IL16: variants seen among roughly 807,000 people sequenced by gnomAD.
IL16 encodes interleukin 16, also known as pro-interleukin-16.
Under a neutral mutation model 110.1 loss-of-function variants are expected in IL16, and 67 were observed. That is an observed-to-expected ratio of 0.61 (90% CI 0.50 to 0.75). IL16 has a LOEUF of 0.75. Ranked by LOEUF, IL16 falls within the 30% of genes least tolerant of loss-of-function variation. IL16 has a pLI of 0.00. For missense variants in IL16, 1,545 were observed against 1,655.0 expected, an observed-to-expected ratio of 0.93 and a Z score of 1.15; for synonymous variants, 689 against 662.9, an observed-to-expected ratio of 1.04 and a Z score of -0.61.
intron 7 of IL16, among the ~76,000 whole-genome samples, chr15:81,279,232 A>C (rs935181359): frequency 6.6e-6 from 1 of 152,172 alleles, no homozygotes; most frequent in African/African-American, 2.4e-5. Context: ...TCATGACTCT[A>C]TCCATCCATC....
At chr15:81,182,955 G>A (rs1358785500) in intron 1 of IL16, 2 of 1,087,314 alleles carry the variant, frequency 1.8e-6, no homozygotes, top group Middle Eastern at 2.4e-4. Flanking sequence ...ATGGAGGGGT[G>A]GACCCTTCCT....
intron 1 of IL16, among the ~76,000 whole-genome samples, chr15:81,214,389 T>C (rs1162787097): frequency 6.6e-6 from 1 of 152,210 alleles, no homozygotes; most frequent in East Asian, 1.9e-4. Context: ...AAGTTTAGTT[T>C]GGCAGGATAT....
intron 1 of IL16, among the ~76,000 whole-genome samples, chr15:81,207,921 G>C (rs907348363): frequency 1.8e-4 from 27 of 151,470 alleles, no homozygotes; most frequent in Non-Finnish European, 3.7e-4. Flanking sequence ...TCGAATGATA[G>C]CTCTACCTTA....
At chr15:81,197,685 T>C (rs747441622) in intron 1 of IL16, among the ~76,000 whole-genome samples, 44 of 152,186 alleles carry the variant, frequency 2.9e-4, no homozygotes, top group Non-Finnish European at 4.7e-4. Context: ...CCTGCATTGG[T>C]AGGTCCCAGG....
At chr15:81,244,399 AT>A (rs1897462676) in intron 2 of IL16, among the ~76,000 whole-genome samples, 1 of 151,946 alleles carries the variant, frequency 6.6e-6, no homozygotes, top group South Asian at 2.1e-4. Context: ...AATTCTATTC[AT>A]TTTCCTTCAT....
intron 1 of IL16, among the ~76,000 whole-genome samples, chr15:81,190,399 G>A (rs1015482060): frequency 3.3e-5 from 5 of 152,164 alleles, no homozygotes; most frequent in Non-Finnish European, 7.3e-5. Flanking sequence ...TGCTCAGCAC[G>A]GCAATGTTTA....
intron 1 of IL16, among the ~76,000 whole-genome samples, chr15:81,222,745 G>GACAC (rs71718505): frequency 0.068 from 10,074 of 148,278 alleles, 941 homozygotes; most frequent in African/African-American, 0.21. Flanking sequence ...CACACTCACA[G>GACAC]ACACACACAC....
Position 81,308,632 on chromosome 15 carries a change from TC to T in IL16, c.3835del (p.Gln1279SerfsTer68). On this transcript the variant is annotated frameshift_variant, in exon 19 of 19. Transcript: ENST00000683961. LOFTEE classifies it low-confidence loss of function (END_TRUNC). ...KGAASEQSET[V>X]QPGDEILQLG... is the part of the protein sequence containing the mutation. ...GCAGCCTCAGAACAAAGTGAGACAG[TC>T]CAGCCTGGAGATGAAATCTTACAGC... 1 of 1,612,930 alleles carries T rather than the reference TC, an allele frequency of 6.2e-7. No individual in the cohort carries two copies.
intron 1 of IL16, among the ~76,000 whole-genome samples, chr15:81,220,382 T>C (rs1248014702): frequency 1.3e-5 from 2 of 152,200 alleles, no homozygotes; most frequent in Non-Finnish European, 2.9e-5. Context: ...CTTGAACTCC[T>C]GAGCTCAAGC....
intron 17 of IL16, 59 bp from the exon 18 acceptor site, chr15:81,306,361 G>A: frequency 2.5e-6 from 4 of 1,601,592 alleles, no homozygotes; most frequent in Non-Finnish European, 3.4e-6. Flanking sequence ...TTGAAGCCCA[G>A]GGCATCTGTG....
intron 2 of IL16, among the ~76,000 whole-genome samples, chr15:81,226,457 A>C (rs1896790943): frequency 6.6e-6 from 1 of 152,222 alleles, no homozygotes; most frequent in Non-Finnish European, 1.5e-5. Flanking sequence ...ATGGCCCTAA[A>C]CCATGGGATC....
Position 81,259,848 on chromosome 15 carries a change from C to T in IL16, c.389C>T (p.Ala130Val). 3 of 1,613,536 alleles carry T rather than the reference C, an allele frequency of 1.9e-6. No homozygotes were observed. Among genetic ancestry groups the T allele is most frequent in the Non-Finnish European group, 1.7e-6 (2 of 1,179,496 alleles). Residue 130 changes from alanine to valine, a missense_variant, in exon 3 of 19, where the codon GCC (alanine) becomes GTC (valine). This residue lies in a region of IL16 where 1,185 missense variants were observed against 1,238.8 expected (regional missense o/e 0.96). Coordinates refer to ENST00000683961, the MANE Select transcript of IL16 (RefSeq NM_172217.5). ...AQSSNFLFPK[A>V]CHQRARSNST... is the part of the protein sequence containing the mutation. ...AGTAGTAACTTCCTGTTTCCTAAAGCCTGCCACCAAAGGGCACGCAGCAAC... is the reference window on the plus strand; with the variant it reads ...AGTAGTAACTTCCTGTTTCCTAAAGTCTGCCACCAAAGGGCACGCAGCAAC...
chr15:81,300,219 C>T lies in IL16; in HGVS notation c.2893C>T (p.Arg965Trp), dbSNP rs144608313. The T allele has an allele frequency of 2.5e-6, 4 of 1,614,234 alleles. 1 individual carries two copies. Among genetic ancestry groups the T allele is most frequent in the East Asian group, 2.2e-5 (1 of 44,882 alleles). The change falls in exon 14 of 19, where the codon CGG becomes TGG. Residue 965 changes from arginine to tryptophan, a missense_variant. Transcript: ENST00000683961. The part of the protein sequence containing the change: ...PVLKMPSQRA[R>W]SFPLTRSQSC... The stretch of plus-strand genomic sequence containing the variant: ...GCTCAAGATGCCTAGCCAGCGAGCA[C>T]GGAGCTTCCCCCTGACCAGGTCCCA...
At chr15:81,305,771 A>G (rs748215693) in intron 16 of IL16, 137 bp from the exon 17 acceptor site, 8 of 1,086,810 alleles carry the variant, frequency 7.4e-6, no homozygotes, top group Non-Finnish European at 1.1e-5. Context: ...AGCAGCTCCA[A>G]TCTAGGACAC....
chr15:81,269,679 C>G (rs1898549186), intron 5 of IL16, 31 bp downstream of exon 5: 1 of 1,492,682 alleles, frequency 6.7e-7, no homozygotes, highest in Non-Finnish European at 9.3e-7. Flanking sequence ...ACAGGAAGTC[C>G]TGGGGGGCAG....
Position 81,279,641 on chromosome 15 carries a change from A to C in IL16, c.948A>C (p.Pro316=). ...PPSLCSHLSP[P]LCRSLSSSTC... ...CCCTGTGCAGCCACCTGTCTCCCCC[A>C]CTGTGCCGCTCCCTGAGCTCCAGCA... Residue 316 remains proline, a synonymous_variant, in exon 8 of 19, where the codon CCA becomes CCC. Coordinates refer to ENST00000683961, the MANE Select transcript of IL16 (RefSeq NM_172217.5). The C allele has an allele frequency of 1.2e-6, 2 of 1,614,076 alleles. No individual in the cohort carries two copies. Among genetic ancestry groups the C allele is most frequent in the Non-Finnish European group, 1.7e-6 (2 of 1,180,006 alleles).
intron 9 of IL16, among the ~76,000 whole-genome samples, chr15:81,284,616 A>G (rs1218795490): frequency 6.6e-6 from 1 of 152,202 alleles, no homozygotes; most frequent in African/African-American, 2.4e-5. Flanking sequence ...AGGGTGAAGG[A>G]GGATGAACTC....
intron 1 of IL16, among the ~76,000 whole-genome samples, chr15:81,200,021 G>T (rs1895752263): frequency 6.6e-6 from 1 of 152,162 alleles, no homozygotes; most frequent in African/African-American, 2.4e-5. Flanking sequence ...GAAAGTAGTG[G>T]TTTTCAAGCA....
intron 1 of IL16, among the ~76,000 whole-genome samples, chr15:81,183,247 G>A (rs561953798): frequency 3.3e-5 from 5 of 152,208 alleles, no homozygotes; most frequent in African/African-American, 4.8e-5. Flanking sequence ...TCTTCAAGGG[G>A]CAGAGGCATC....
Sources: allele counts gnomAD v4.1 joint callset (sites outside exome capture counted in the v4.1 genomes callset), GRCh38; gene constraint gnomAD v4.1.1; regional missense constraint gnomAD v4.1.1; transcripts MANE v1.5; gene names NCBI Gene and HGNC (gene_info 2026-07-23, HGNC 2026-07-21).